Variants in DISP3 observed in about 807,000 individuals in gnomAD.
The protein encoded by DISP3 is dispatched RND transporter family member 3.
Under a neutral mutation model 135.3 loss-of-function variants are expected in DISP3, and 101 were observed. The observed-to-expected ratio is 0.75, with a 90% confidence interval of 0.64 to 0.88. The LOEUF is 0.88. Ranked by LOEUF, DISP3 falls within the 40% of genes least tolerant of loss-of-function variation. The pLI, the probability that DISP3 is intolerant of heterozygous loss-of-function variation, is 0.00. For synonymous variants in DISP3, 856 were observed against 817.0 expected (o/e 1.05, Z -0.81); for missense variants, 1,713 against 1,878.6 (o/e 0.91, Z 1.63).
intron 5 of DISP3, 92 bp downstream of exon 5, chr1:11,515,595 G>A: frequency 6.7e-7 from 1 of 1,503,020 alleles, no homozygotes; most frequent in Non-Finnish European, 8.9e-7. Context: ...TGGCTTCCCT[G>A]GGGGCTCTAC....
At position 11,531,585 on chromosome 1, in the gene DISP3, C is replaced by T. The variant is rs1411668111; in HGVS notation, c.3250C>T (p.Leu1084=). The T allele has an allele frequency of 1.2e-6, 2 of 1,613,502 alleles. No individual in the cohort carries two copies. Among genetic ancestry groups the T allele is most frequent in the Admixed American group, 1.7e-5 (1 of 59,996 alleles). Residue 1084 remains leucine (L), a synonymous_variant, in exon 17 of 21, where the codon CTG becomes TTG. Transcript: ENST00000294484. This position sits in a 1 kb window ranked among gnomAD's most constrained non-coding sequence, Gnocchi z 5.2. ...LPSGYSISSF[L]QMLHPECKEL... ...CGCAGGCTACAGCATCTCCTCCTTCCTGCAGATGTTGCACCCTGAGTGCAA... is the reference window on the plus strand; with the variant it reads ...CGCAGGCTACAGCATCTCCTCCTTCTTGCAGATGTTGCACCCTGAGTGCAA...
intron 3 of DISP3, among the ~76,000 whole-genome samples, chr1:11,509,275 A>C (rs1399164076): frequency 6.6e-6 from 1 of 152,038 alleles, no homozygotes; most frequent in African/African-American, 2.4e-5. Flanking sequence ...TGTGTGATAT[A>C]AGTTCTTTTA....
intron 6 of DISP3, 71 bp from the exon 7 acceptor site, chr1:11,517,392 C>T (rs878945041): frequency 2.5e-6 from 4 of 1,586,330 alleles, no homozygotes; most frequent in South Asian, 1.1e-5. Context: ...TCTCTGGCTG[C>T]AGGGGGCACC....
At chr1:11,480,357 A>G (rs979483268) in intron 1 of DISP3, among the ~76,000 whole-genome samples, 3 of 152,052 alleles carry the variant, frequency 2.0e-5, no homozygotes, top group African/African-American at 7.2e-5. Context: ...GCGCACACAC[A>G]TATCTACAGA....
At chr1:11,523,004 C>T (rs555028216) in intron 10 of DISP3, among the ~76,000 whole-genome samples, 4 of 152,364 alleles carry the variant, frequency 2.6e-5, no homozygotes, top group Non-Finnish European at 5.9e-5. Flanking sequence ...CCAGCCCCTA[C>T]TCCCTGTGCC....
At chr1:11,522,860 A>ACCCAGCCAGAGCCCAGCCAGAG (rs1211612036) in intron 10 of DISP3, among the ~76,000 whole-genome samples, 2 of 52,380 alleles carry the variant, frequency 3.8e-5, no homozygotes, top group Non-Finnish European at 7.0e-5. Context: ...CCCAGCCAGG[A>ACCCAGCCAGAGCCCAGCCAGAG]CCCAGCCAGA....
Position 11,535,470 on chromosome 1 carries a change from C to G in DISP3, c.3650-8C>G. ...ATCCGAGCTGCCCCCCCTGCTGTCTCCTTGCAGGCATCGTGTGCCTGGTGG... is the reference window on the plus strand; with the variant it reads ...ATCCGAGCTGCCCCCCCTGCTGTCTGCTTGCAGGCATCGTGTGCCTGGTGG... On this transcript the variant is annotated splice_region_variant and splice_polypyrimidine_tract_variant and intron_variant, in intron 19 of 20. Transcript: ENST00000294484. 6.2e-7 allele frequency: 1 copy of G among 1,601,310 alleles called. No homozygotes were observed. The highest frequency in any genetic ancestry group is 1.3e-5 in the African/African-American group (1 of 74,866).
rs745937900 is a variant in DISP3 at position 11,531,746 on chromosome 1, G to C, written c.3375+36G>C. On this transcript the variant is annotated intron_variant, in intron 17 of 20. Transcript: ENST00000294484. This position sits in a 1 kb window ranked among gnomAD's most constrained non-coding sequence, Gnocchi z 5.2. ...GCAGCCTCACTGGGTGCCATGCTGC[G>C]TACTTGCCCGGGGTGTGCCACCTCT... 4.5e-6 allele frequency: 7 copies of C among 1,560,858 alleles called. No individual in the cohort carries two copies. In the East Asian group the frequency reaches 1.6e-4, roughly 35 times the overall value.
chr1:11,487,711 C>T (rs1291698212), intron 1 of DISP3, among the ~76,000 whole-genome samples: 2 of 152,200 alleles, frequency 1.3e-5, no homozygotes, highest in African/African-American at 2.4e-5. Context: ...GAGAGACTGA[C>T]TCCCTGAGCG....
rs370213637 is a variant in DISP3 at position 11,519,788 on chromosome 1, C to T, written c.2108C>T (p.Thr703Met). 50 of 1,612,892 alleles carry T rather than the reference C, an allele frequency of 3.1e-5. No homozygotes were observed. In the East Asian group the frequency reaches 5.6e-4, roughly 18 times the overall value. ...SPEGLQPASN[T>M]GSRGHLIVQL... The stretch of plus-strand genomic sequence containing the variant: ...GAGGGTCTGCAGCCAGCCTCCAACA[C>T]GGGCAGCCGCGGCCATCTCATCGTG... The change falls in exon 9 of 21, where the codon ACG becomes ATG. Residue 703 changes from threonine (T) to methionine (M), a missense_variant. Thr to Met is a moderately conservative substitution (Grantham distance 81). Around this residue, in one of 2 missense-constraint regions of DISP3, gnomAD observed 1,142 missense variants for 1,384.6 expected, o/e 0.82. Coordinates refer to ENST00000294484, the MANE Select transcript of DISP3 (RefSeq NM_020780.2). The surrounding 1 kb of genome is among the most constrained non-coding windows in gnomAD (Gnocchi z 4.3).
chr1:11,528,693 G>A (rs1012385268), intron 13 of DISP3, among the ~76,000 whole-genome samples: 1 of 152,202 alleles, frequency 6.6e-6, no homozygotes, highest in African/African-American at 2.4e-5. Flanking sequence ...GATACGCGGG[G>A]ACTGTGGTCT....
At chr1:11,523,878 C>A in intron 10 of DISP3, 64 bp from the exon 11 acceptor site, 3 of 1,345,400 alleles carry the variant, frequency 2.2e-6, no homozygotes, top group Non-Finnish European at 2.1e-6. Context: ...CTTCCCTCTG[C>A]CCATCGGGCC....
chr1:11,528,492 GA>G (rs888617481), intron 13 of DISP3, among the ~76,000 whole-genome samples: 18 of 152,246 alleles, frequency 1.2e-4, no homozygotes, highest in African/African-American at 4.3e-4. Flanking sequence ...ATATGGTAGT[GA>G]CAAAGACAGA....
chr1:11,501,675 A>G lies in DISP3; in HGVS notation c.683A>G (p.Lys228Arg). ...GACCCGCGAAACCAGCGGCTGAGCA[A>G]GAATGGGCGGTACCAGCCCAGCATC... Reference protein sequence around the residue: ...SEDPRNQRLSKNGRYQPSIPP... With the variant: ...SEDPRNQRLSRNGRYQPSIPP... Residue 228 changes from lysine (K) to arginine (R), a missense_variant, in exon 2 of 21, where the codon AAG becomes AGG. Around this residue, in one of 2 missense-constraint regions of DISP3, gnomAD observed 571 missense variants for 494.1 expected, o/e 1.16. Coordinates refer to ENST00000294484, the MANE Select transcript of DISP3 (RefSeq NM_020780.2). The surrounding 1 kb of genome is among the most constrained non-coding windows in gnomAD (Gnocchi z 4.9). 1 of 1,606,938 alleles carries G rather than the reference A, an allele frequency of 6.2e-7. No individual in the cohort carries two copies. Among genetic ancestry groups the G allele is most frequent in the Non-Finnish European group, 8.5e-7 (1 of 1,177,512 alleles).
intron 1 of DISP3, among the ~76,000 whole-genome samples, chr1:11,480,986 C>T (rs1260928420): frequency 2.0e-5 from 3 of 151,658 alleles, no homozygotes; most frequent in Non-Finnish European, 2.9e-5. Flanking sequence ...AATCAGGGTC[C>T]GCATTCTTTG....
intron 18 of DISP3, 58 bp from the exon 19 acceptor site, chr1:11,534,953 C>A: frequency 6.9e-7 from 1 of 1,450,954 alleles, no homozygotes. Context: ...ACCCCAGCAG[C>A]ACAGCTTGCT....
intron 3 of DISP3, among the ~76,000 whole-genome samples, chr1:11,507,248 C>G (rs748715593): frequency 1.1e-3 from 163 of 152,192 alleles, no homozygotes; most frequent in Non-Finnish European, 4.1e-4. Context: ...GTTTGCAATC[C>G]TGGAAAGTCT....
At chr1:11,514,929 G>A (rs1641960714) in intron 4 of DISP3, among the ~76,000 whole-genome samples, 1 of 152,140 alleles carries the variant, frequency 6.6e-6, no homozygotes, top group Non-Finnish European at 1.5e-5. Context: ...GATACTAGCT[G>A]CTGCTTACTC....
chr1:11,525,822 G>C (rs184080016), intron 12 of DISP3, among the ~76,000 whole-genome samples: 36 of 152,184 alleles, frequency 2.4e-4, no homozygotes, highest in African/African-American at 8.2e-4. Flanking sequence ...TCTTGGGGGT[G>C]GGGGGAGGAC....
Sources: allele counts gnomAD v4.1 joint callset (sites outside exome capture counted in the v4.1 genomes callset), GRCh38; gene constraint gnomAD v4.1.1; regional missense constraint gnomAD v4.1.1; non-coding constraint Gnocchi (gnomAD v3.1); transcripts MANE v1.5; gene names NCBI Gene and HGNC (gene_info 2026-07-23, HGNC 2026-07-21).